ZFR2: variants seen among roughly 807,000 people sequenced by gnomAD.
ZFR2 encodes the protein zinc finger RNA-binding protein 2.
A neutral mutation model predicts 105.7 loss-of-function variants in ZFR2; 104 were observed. That is an observed-to-expected ratio of 0.98 (90% CI 0.84 to 1.16). The LOEUF is 1.16. Ranked by LOEUF, ZFR2 falls within the 50% of genes most tolerant of loss-of-function variation. ZFR2 has a pLI of 0.00. For synonymous variants in ZFR2, 634 were observed against 597.7 expected (o/e 1.06, Z -0.89); for missense variants, 1,425 against 1,355.5 (o/e 1.05, Z -0.80).
chr19:3,833,312 C>T (rs1362477835), intron 3 of ZFR2, among the ~76,000 whole-genome samples: 1 of 150,868 alleles, frequency 6.6e-6, no homozygotes, highest in Non-Finnish European at 1.5e-5. Context: ...CATGGTGGCT[C>T]ACGCCTGTAA....
chr19:3,861,175 C>T (rs1193669296), intron 1 of ZFR2, among the ~76,000 whole-genome samples: 1 of 152,036 alleles, frequency 6.6e-6, no homozygotes, highest in Non-Finnish European at 1.5e-5. Context: ...GACAAGTAAA[C>T]GACTCACAAT....
chr19:3,846,367 T>C lies in ZFR2; in HGVS notation c.54-11384A>G, dbSNP rs1207807011. On this transcript the variant is annotated intron_variant, in intron 1 of 18. Transcript: ENST00000262961. ...AGGGTGGGCTAATTAAATCCAGCCA[T>C]CTTTGATGTTTTGCCGACTCGAAAA... Among the ~76,000 whole-genome samples, 4 of 152,244 alleles carry C rather than the reference T, an allele frequency of 2.6e-5. No homozygotes were observed. In the East Asian group the frequency reaches 7.7e-4, roughly 29 times the overall value.
intron 1 of ZFR2, among the ~76,000 whole-genome samples, chr19:3,848,227 C>G (rs759491330): frequency 5.3e-5 from 8 of 152,148 alleles, no homozygotes; most frequent in Non-Finnish European, 1.2e-4. Context: ...GCCTGGCCAA[C>G]ATGGTGAAAC....
In ZFR2 at chr19:3,813,763, G is replaced by A; in HGVS notation, c.2242+57C>T. On this transcript the variant is annotated intron_variant, in intron 14 of 18. Coordinates refer to ENST00000262961, the MANE Select transcript of ZFR2 (RefSeq NM_015174.2). This position sits in a 1 kb window ranked among gnomAD's most constrained non-coding sequence, Gnocchi z 4.4. Reference sequence around the variant, plus strand: ...ACGCTGCCCCAGGCCTGGGTGTGGGGAGCGCCCTGGGGAAGCGTGAGGGGG... The same window carrying A: ...ACGCTGCCCCAGGCCTGGGTGTGGGAAGCGCCCTGGGGAAGCGTGAGGGGG... 1 of 1,599,950 alleles carries A rather than the reference G, an allele frequency of 6.3e-7. No individual in the cohort carries two copies. Among genetic ancestry groups the A allele is most frequent in the Non-Finnish European group, 8.5e-7 (1 of 1,172,056 alleles).
rs779451772 is a variant in ZFR2 at position 3,822,074 on chromosome 19, G to A, written c.1491+7C>T. ...ACGGGTGTCGGAGCTCCCCCTGCTG[G>A]ACGCACCCGGTACTGCAGCCGGTGC... is the stretch of plus-strand genomic sequence containing the variant. On this transcript the variant is annotated splice_region_variant and intron_variant, in intron 9 of 18. Coordinates refer to ENST00000262961, the MANE Select transcript of ZFR2 (RefSeq NM_015174.2). The A allele has an allele frequency of 1.3e-5, 20 of 1,593,650 alleles. No individual in the cohort carries two copies. The South Asian group carries it at 1.8e-4, about 15-fold the overall frequency.
chr19:3,859,687 C>T (rs535732567), intron 1 of ZFR2, among the ~76,000 whole-genome samples: 10 of 152,200 alleles, frequency 6.6e-5, no homozygotes, highest in Admixed American at 1.3e-4. Context: ...GAGGCTAATG[C>T]GTCCAGTCAA....
Position 3,831,688 on chromosome 19 carries a change from G to C in ZFR2, c.570C>G (p.Ser190=), listed in dbSNP as rs2038018249. 1.2e-5 allele frequency: 19 copies of C among 1,570,468 alleles called. No homozygotes were observed. The highest frequency in any genetic ancestry group is 1.6e-5 in the Non-Finnish European group (19 of 1,156,184). ...ASIVTSYPPP[S]YNPTCTAYTA... ...TGTAGGCGGTGCAGGTGGGGTTGTA[G>C]GAGGGCGGGGGGTAGGAGGTCACGA... The change falls in exon 4 of 19, where the codon TCC becomes TCG. Residue 190 remains serine (S), a synonymous_variant. Coordinates refer to ENST00000262961, the MANE Select transcript of ZFR2 (RefSeq NM_015174.2).
At chr19:3,807,857 GTGCA>G (rs1406814228) in intron 17 of ZFR2, among the ~76,000 whole-genome samples, 5 of 149,962 alleles carry the variant, frequency 3.3e-5, no homozygotes, top group African/African-American at 1.2e-4. Flanking sequence ...GCCCGTGTGT[GTGCA>G]TGCATGTGCC....
At chr19:3,845,017 T>TTC (rs4018234) in intron 1 of ZFR2, among the ~76,000 whole-genome samples, 120,702 of 151,916 alleles carry the variant, frequency 0.79, 48,494 homozygotes, top group African/African-American at 0.91. Flanking sequence ...GACTTATTTA[T>TTC]TCTCACAGTT....
intron 1 of ZFR2, among the ~76,000 whole-genome samples, chr19:3,850,490 A>G (rs1448585469): frequency 3.3e-5 from 5 of 152,124 alleles, no homozygotes; most frequent in East Asian, 1.9e-4. Context: ...CCTAACCCCC[A>G]TGTGACTGTA....
chr19:3,866,421 CAGA>C, intron 1 of ZFR2, among the ~76,000 whole-genome samples: 1 of 48,282 alleles, frequency 2.1e-5, no homozygotes, highest in Admixed American at 2.5e-4. Flanking sequence ...CCTAAGCCAT[CAGA>C]ACACAGAAGG....
chr19:3,817,602 T>TAAC (rs2037839845), intron 12 of ZFR2, among the ~76,000 whole-genome samples: 1 of 138,482 alleles, frequency 7.2e-6, no homozygotes, highest in Non-Finnish European at 1.5e-5. Context: ...ATAATAATAA[T>TAAC]AATAATTAGC....
intron 1 of ZFR2, among the ~76,000 whole-genome samples, chr19:3,852,849 T>C (rs1266708735): frequency 6.6e-6 from 1 of 152,188 alleles, no homozygotes; most frequent in Non-Finnish European, 1.5e-5. Flanking sequence ...CTGGGTGATG[T>C]CTGAGGACAT....
In ZFR2 at chr19:3,823,893, C is replaced by T. The variant is rs1461919672; in HGVS notation, c.1214-490G>A. ...GGCTCCCTCGACCCCTGCCCACGCA[C>T]AGCACGGTGGTCCAGGGCAGAGACT... On this transcript the variant is annotated intron_variant, in intron 7 of 18. Coordinates refer to ENST00000262961, the MANE Select transcript of ZFR2 (RefSeq NM_015174.2). The surrounding 1 kb of genome is among the most constrained non-coding windows in gnomAD (Gnocchi z 5.4). Among the ~76,000 whole-genome samples the T allele has an allele frequency of 6.6e-6, 1 of 152,216 alleles. No homozygotes were observed. Among genetic ancestry groups the T allele is most frequent in the African/African-American group, 2.4e-5 (1 of 41,456 alleles).
intron 1 of ZFR2, among the ~76,000 whole-genome samples, chr19:3,854,759 C>A (rs1199325487): frequency 6.6e-6 from 1 of 152,114 alleles, no homozygotes; most frequent in African/African-American, 2.4e-5. Flanking sequence ...TAAACTACAT[C>A]ATTAAGAGGT....
intron 3 of ZFR2, 103 bp from the exon 4 acceptor site, chr19:3,831,981 T>A: frequency 9.8e-7 from 1 of 1,016,344 alleles, no homozygotes; most frequent in Non-Finnish European, 1.4e-6. Flanking sequence ...GCTAGATGCT[T>A]AAGCCAGGAC....
At chr19:3,868,229 C>T (rs1183927826) in intron 1 of ZFR2, among the ~76,000 whole-genome samples, 2 of 151,684 alleles carry the variant, frequency 1.3e-5, no homozygotes, top group Non-Finnish European at 2.9e-5. Flanking sequence ...ATTCCTCACC[C>T]CTCGACTGTG....
chr19:3,807,704 T>C (rs2037713797), intron 17 of ZFR2, among the ~76,000 whole-genome samples: 1 of 150,710 alleles, frequency 6.6e-6, no homozygotes, highest in African/African-American at 2.4e-5. Flanking sequence ...CCCATGTGTG[T>C]CCATGCATGC....
chr19:3,809,026 GC>G, intron 16 of ZFR2, 43 bp from the exon 17 acceptor site: 1 of 1,459,870 alleles, frequency 6.8e-7, no homozygotes, highest in Non-Finnish European at 9.1e-7. Context: ...TGGGCGCGCG[GC>G]AGCCCCTGCC....
Sources: gnomAD v4.1 joint callset for allele counts (sites outside exome capture counted in the v4.1 genomes callset) on GRCh38, gnomAD v4.1.1 for gene constraint, Gnocchi (gnomAD v3.1) non-coding constraint, MANE v1.5 for transcripts, NCBI Gene and HGNC (gene_info 2026-07-23, HGNC 2026-07-21) for gene names.